Variants in GRID2 observed in about 807,000 individuals in gnomAD.
GRID2 encodes the protein glutamate ionotropic receptor delta type subunit 2.
GRID2 carries 33 observed loss-of-function variants against 114.8 expected under a neutral mutation model. The ratio of observed to expected loss-of-function variants is 0.29; its 90% CI spans 0.22 to 0.38. The LOEUF (loss-of-function observed/expected upper bound fraction) is 0.38. Among genes scored for constraint, GRID2 ranks in the 10% least tolerant of loss-of-function variants. The pLI, the probability that GRID2 is intolerant of heterozygous loss-of-function variation, is 1.00. For synonymous variants in GRID2, 505 were observed against 449.9 expected, an observed-to-expected ratio of 1.12 and a Z score of -1.55; for missense variants, 1,184 against 1,257.7, an observed-to-expected ratio of 0.94 and a Z score of 0.89.
At chr4:92,740,175 T>A (rs1474059621) in intron 2 of GRID2, among the ~76,000 whole-genome samples, 1 of 152,202 alleles carries the variant, frequency 6.6e-6, no homozygotes, top group Non-Finnish European at 1.5e-5. Context: ...AGATACCTAG[T>A]AAGGCCAGCT....
At chr4:92,741,944 T>G (rs1736912323) in intron 2 of GRID2, among the ~76,000 whole-genome samples, 1 of 152,280 alleles carries the variant, frequency 6.6e-6, no homozygotes, top group Non-Finnish European at 1.5e-5. Flanking sequence ...TAAAAACCAA[T>G]AACAACTCTG....
At chr4:92,989,276 C>CAAA (rs1182397768) in intron 2 of GRID2, among the ~76,000 whole-genome samples, 344 of 73,844 alleles carry the variant, frequency 4.7e-3, no homozygotes, top group Non-Finnish European at 6.3e-3. Context: ...GACTCCATCT[C>CAAA]AAAAAAAAAA....
intron 14 of GRID2, among the ~76,000 whole-genome samples, chr4:93,733,622 A>G (rs1209483435): frequency 2.6e-5 from 4 of 152,070 alleles, no homozygotes; most frequent in African/African-American, 9.7e-5. Context: ...CCAAGGAAAG[A>G]GACTTCCTCA....
At chr4:92,662,174 C>G (rs946403295) in intron 2 of GRID2, among the ~76,000 whole-genome samples, 2 of 150,860 alleles carry the variant, frequency 1.3e-5, no homozygotes, top group Admixed American at 6.6e-5. Context: ...AATAGATAGC[C>G]AAATCAGACA....
intron 1 of GRID2, among the ~76,000 whole-genome samples, chr4:92,572,287 A>C (rs931643848): frequency 3.9e-5 from 6 of 152,222 alleles, no homozygotes; most frequent in African/African-American, 1.4e-4. Flanking sequence ...ATCTACAAGA[A>C]ATGGATAAAT....
chr4:93,146,987 G>A (rs963941821), intron 4 of GRID2, among the ~76,000 whole-genome samples: 12 of 152,106 alleles, frequency 7.9e-5, no homozygotes, highest in South Asian at 6.2e-4. Flanking sequence ...GTTTTTGAAT[G>A]TAGAATGATT....
At chr4:92,341,591 G>C (rs1579207173) in intron 1 of GRID2, among the ~76,000 whole-genome samples, 1 of 152,006 alleles carries the variant, frequency 6.6e-6, no homozygotes. Context: ...TTCATCTATT[G>C]GACACCTATG....
At chr4:93,717,136 T>C (rs1034524277) in intron 14 of GRID2, among the ~76,000 whole-genome samples, 12 of 152,156 alleles carry the variant, frequency 7.9e-5, no homozygotes, top group Non-Finnish European at 1.5e-4. Context: ...AAAAGTCTAA[T>C]TAAAGTGGAA....
chr4:93,100,281 A>G (rs1043905898), intron 3 of GRID2, among the ~76,000 whole-genome samples: 15 of 151,956 alleles, frequency 9.9e-5, no homozygotes, highest in African/African-American at 3.1e-4. Flanking sequence ...TAGAAATTCA[A>G]TCTCAGTGAT....
chr4:93,324,526 G>C (rs1757615938), intron 8 of GRID2, among the ~76,000 whole-genome samples: 1 of 152,082 alleles, frequency 6.6e-6, no homozygotes, highest in Admixed American at 6.6e-5. Flanking sequence ...GCCAGCCTTT[G>C]GTATCAGGAT....
At chr4:93,128,064 A>G (rs1282203482) in intron 4 of GRID2, among the ~76,000 whole-genome samples, 2 of 138,218 alleles carry the variant, frequency 1.4e-5, no homozygotes, top group Non-Finnish European at 1.6e-5. Flanking sequence ...AAAAAACAAC[A>G]GTACGTGCTA....
intron 2 of GRID2, among the ~76,000 whole-genome samples, chr4:92,641,773 A>G (rs1281338606): frequency 1.3e-5 from 2 of 151,614 alleles, no homozygotes; most frequent in African/African-American, 2.4e-5. Context: ...TAGCTTTACG[A>G]TGCATGCCCC....
At chr4:93,408,825 C>T (rs1579985567) in intron 9 of GRID2, among the ~76,000 whole-genome samples, 1 of 152,078 alleles carries the variant, frequency 6.6e-6, no homozygotes, top group African/African-American at 2.4e-5. Context: ...ACTCTTAGGT[C>T]TCTGCCCTCT....
At chr4:93,127,886 T>TTATAATACA in intron 4 of GRID2, among the ~76,000 whole-genome samples, 2 of 151,444 alleles carry the variant, frequency 1.3e-5, no homozygotes, top group East Asian at 3.9e-4. Flanking sequence ...CTGGGTATGG[T>TTATAATACA]GGTACATGCC....
At chr4:92,462,158 C>T (rs1044295180) in intron 1 of GRID2, among the ~76,000 whole-genome samples, 9 of 152,012 alleles carry the variant, frequency 5.9e-5, no homozygotes, top group Non-Finnish European at 1.0e-4. Context: ...TTGTTTCTTT[C>T]TAGAAAGATC....
intron 14 of GRID2, among the ~76,000 whole-genome samples, chr4:93,697,908 A>T (rs1018054103): frequency 2.9e-4 from 29 of 100,522 alleles, no homozygotes; most frequent in Non-Finnish European, 1.7e-4. Flanking sequence ...TACACGATAC[A>T]ATTTTGTCCA....
chr4:93,457,513 T>C (rs755139274), intron 11 of GRID2, among the ~76,000 whole-genome samples: 24 of 152,164 alleles, frequency 1.6e-4, no homozygotes, highest in Non-Finnish European at 2.4e-4. Flanking sequence ...ATTCAAATTT[T>C]ACTCTAGAAA....
chr4:92,416,996 A>G (rs991029440), intron 1 of GRID2, among the ~76,000 whole-genome samples: 2 of 152,046 alleles, frequency 1.3e-5, no homozygotes, highest in African/African-American at 4.8e-5. Flanking sequence ...TTTTGGCAAT[A>G]TAGTCATTTT....
chr4:93,195,547 C>T (rs559542188), intron 4 of GRID2, among the ~76,000 whole-genome samples: 3 of 152,212 alleles, frequency 2.0e-5, no homozygotes, highest in Admixed American at 1.3e-4. Context: ...AGCTGGACAA[C>T]GTCATCAGGC....
Sources: gnomAD v4.1 joint callset for allele counts (sites outside exome capture counted in the v4.1 genomes callset) on GRCh38, gnomAD v4.1.1 for gene constraint, MANE v1.5 for transcripts, NCBI Gene and HGNC (gene_info 2026-07-23, HGNC 2026-07-21) for gene names.